Variants in SAXO3 observed in about 807,000 individuals in gnomAD.
The protein encoded by SAXO3 is stabilizer of axonemal microtubules 3.
the SAXO3 span, chr19:49,020,056 C>T: frequency 2.8e-6 from 4 of 1,426,034 alleles, no homozygotes; most frequent in Non-Finnish European, 3.6e-6. Context: ...CGTCGAAAGC[C>T]CAGTTGTGAG....
At chr19:49,018,791 G>A in the SAXO3 span, 8 of 1,231,078 alleles carry the variant, frequency 6.5e-6, no homozygotes, top group Non-Finnish European at 8.0e-6. Context: ...CTCAGGGAAT[G>A]GGAGCCAGCC....
chr19:49,019,851 A>G, the SAXO3 span: 4 of 1,282,668 alleles, frequency 3.1e-6, no homozygotes, highest in Middle Eastern at 1.9e-4. Context: ...GGAGCAGGGG[A>G]CTCAAATGCA....
the SAXO3 span, chr19:49,019,190 T>C: frequency 1.4e-6 from 2 of 1,404,726 alleles, no homozygotes; most frequent in Non-Finnish European, 9.2e-7. Context: ...TCCTTTCTCA[T>C]ACCCGAACCC....
the SAXO3 span, chr19:49,020,369 G>A: frequency 4.9e-6 from 2 of 408,818 alleles, no homozygotes; most frequent in Non-Finnish European, 8.6e-6. Context: ...CGTAGGGTCC[G>A]CTCACCTGCA....
chr19:49,018,877 G>A, the SAXO3 span: 5 of 1,533,934 alleles, frequency 3.3e-6, no homozygotes, highest in Middle Eastern at 2.2e-4. Flanking sequence ...GCTTACTTGG[G>A]ATAGAACCGA....
the SAXO3 span, chr19:49,019,987 G>A: frequency 6.6e-7 from 1 of 1,509,116 alleles, no homozygotes; most frequent in Non-Finnish European, 8.8e-7. Context: ...CGCAGGGCCC[G>A]CCATGGGTCT....
chr19:49,019,599 T>A, the SAXO3 span: 1 of 1,248,474 alleles, frequency 8.0e-7, no homozygotes, highest in Non-Finnish European at 1.0e-6. Context: ...CGCCCCAGGC[T>A]CCCGGAGCTC....
At chr19:49,019,055 C>G in the SAXO3 span, 1 of 1,480,974 alleles carries the variant, frequency 6.8e-7, no homozygotes, top group East Asian at 2.5e-5. Context: ...ATACCCCATC[C>G]CAAGCCCTGG....
At chr19:49,017,980 C>T in the SAXO3 span, 13 of 398,406 alleles carry the variant, frequency 3.3e-5, no homozygotes, top group Non-Finnish European at 5.8e-5. Context: ...ACACCAGCGC[C>T]GGCTTCAAGC....
At chr19:49,019,384 A>AC in the SAXO3 span, 1 of 1,243,078 alleles carries the variant, frequency 8.0e-7, no homozygotes, top group Non-Finnish European at 1.0e-6. Flanking sequence ...CTCCCACCTG[A>AC]CCCCGTCTCA....
the SAXO3 span, chr19:49,020,083 T>C: frequency 7.2e-7 from 1 of 1,397,538 alleles, no homozygotes; most frequent in South Asian, 1.5e-5. Flanking sequence ...GCTTTGCAAC[T>C]TGGGGTAGAG....
chr19:49,018,855 A>T, the SAXO3 span: 1 of 1,526,088 alleles, frequency 6.6e-7, no homozygotes, highest in Non-Finnish European at 8.8e-7. Context: ...GGCGGTGCCG[A>T]GCGAGAGCCC....
chr19:49,020,240 T>G, the SAXO3 span: 1 of 470,028 alleles, frequency 2.1e-6, no homozygotes. Context: ...GCTTCCCTGG[T>G]GCCTCCTCTC....
the SAXO3 span, chr19:49,019,111 G>A: frequency 2.1e-6 from 3 of 1,434,840 alleles, no homozygotes; most frequent in Non-Finnish European, 9.1e-7. Context: ...CAGCCATGAC[G>A]GCCACGGCCC....
At chr19:49,019,629 C>G in the SAXO3 span, 3 of 1,256,768 alleles carry the variant, frequency 2.4e-6, no homozygotes, top group South Asian at 5.1e-5. Flanking sequence ...TCGCCGGCGC[C>G]GGCTTCCACC....
the SAXO3 span, chr19:49,019,652 A>G: frequency 8.0e-6 from 10 of 1,251,500 alleles, no homozygotes; most frequent in Admixed American, 3.9e-5. Context: ...GACACCTGGG[A>G]AGGACCCCCG....
chr19:49,018,551 T>G, the SAXO3 span, among the ~76,000 whole-genome samples: 5 of 151,898 alleles, frequency 3.3e-5, no homozygotes, highest in South Asian at 2.1e-4. Context: ...CCTAGGGAAG[T>G]AAAAGGGGAC....
chr19:49,018,487 C>G, the SAXO3 span: 3 of 461,458 alleles, frequency 6.5e-6, no homozygotes, highest in Non-Finnish European at 1.1e-5. Context: ...CACGCGTTGC[C>G]TGCGTTCCTG....
chr19:49,020,099 G>A, the SAXO3 span: 82 of 1,279,592 alleles, frequency 6.4e-5, no homozygotes, highest in African/African-American at 1.2e-3. Context: ...TAGAGGGTCC[G>A]CGACCGTGGA....
Sources: allele counts gnomAD v4.1 joint callset (sites outside exome capture counted in the v4.1 genomes callset), GRCh38; gene constraint gnomAD v4.1.1; transcripts MANE v1.5; gene names NCBI Gene and HGNC (gene_info 2026-07-23, HGNC 2026-07-21).